Variants in ZFHX3 observed in about 807,000 individuals in gnomAD.
ZFHX3 encodes the protein zinc finger homeobox protein 3.
Under a neutral mutation model 279.1 loss-of-function variants are expected in ZFHX3, and 42 were observed. The observed-to-expected ratio is 0.15, with a 90% CI of 0.12 to 0.19. The LOEUF (loss-of-function observed/expected upper bound fraction) is 0.19. Ranked by LOEUF, ZFHX3 falls within the 10% of genes least tolerant of loss-of-function variation. The pLI is 1.00. For missense variants in ZFHX3, 4,981 were observed against 4,754.0 expected (o/e 1.05, Z -1.40); for synonymous variants, 2,293 against 1,957.8 (o/e 1.17, Z -4.52).
At chr16:73,615,348 G>A (rs1264349333) in intron 2 of ZFHX3, among the ~76,000 whole-genome samples, 1 of 152,104 alleles carries the variant, frequency 6.6e-6, no homozygotes, top group Non-Finnish European at 1.5e-5. Flanking sequence ...CCAGCTCTCA[G>A]GAGGTAAGAC....
intron 5 of ZFHX3, among the ~76,000 whole-genome samples, chr16:73,195,582 C>G (rs1430272207): frequency 6.6e-6 from 1 of 151,998 alleles, no homozygotes; most frequent in Non-Finnish European, 1.5e-5. Flanking sequence ...CCACACCCAG[C>G]TAGTTTTTGT....
chr16:73,800,495 G>A (rs946934138), intron 1 of ZFHX3, among the ~76,000 whole-genome samples: 1 of 152,072 alleles, frequency 6.6e-6, no homozygotes, highest in Non-Finnish European at 1.5e-5. Context: ...GCGATTACAG[G>A]CATGAGCCAC....
intron 3 of ZFHX3, among the ~76,000 whole-genome samples, chr16:73,341,647 A>G (rs2016036238): frequency 6.6e-6 from 1 of 152,224 alleles, no homozygotes; most frequent in African/African-American, 2.4e-5. Context: ...TATTCGTAAT[A>G]GACTAATGGT....
intron 2 of ZFHX3, among the ~76,000 whole-genome samples, chr16:73,604,405 T>C (rs148749872): frequency 1.2e-4 from 18 of 152,176 alleles, no homozygotes; most frequent in Non-Finnish European, 1.2e-4. Context: ...ACTGGAAACA[T>C]AGGTCAACTC....
intron 2 of ZFHX3, among the ~76,000 whole-genome samples, chr16:73,629,842 A>T (rs2052451663): frequency 6.6e-6 from 1 of 152,190 alleles, no homozygotes; most frequent in Non-Finnish European, 1.5e-5. Flanking sequence ...GCGACAAGAC[A>T]GGTTGCATAC....
intron 1 of ZFHX3, among the ~76,000 whole-genome samples, chr16:73,044,032 A>G (rs1965208811): frequency 6.6e-6 from 1 of 152,144 alleles, no homozygotes; most frequent in Admixed American, 6.5e-5. Context: ...TGGCCTGAGG[A>G]CACAGGACAC....
At position 72,862,135 on chromosome 16, in the gene ZFHX3, A is replaced by C. The variant is rs1176251483; in HGVS notation, c.3448+27596T>G. On this transcript the variant is annotated intron_variant, in intron 4 of 9. Coordinates refer to ENST00000268489, the MANE Select transcript of ZFHX3 (RefSeq NM_006885.4). The stretch of plus-strand genomic sequence containing the variant: ...ACACACTGTATACCATGCAACTTCA[A>C]GGGAAATCAATCATGTTAGGCCACT... Among the ~76,000 whole-genome samples, 6 of 152,360 alleles carry C rather than the reference A, an allele frequency of 3.9e-5. No homozygotes were observed. The East Asian group carries it at 1.2e-3, about 29-fold the overall frequency.
intron 5 of ZFHX3, among the ~76,000 whole-genome samples, chr16:73,163,753 CAA>C (rs1168975120): frequency 6.6e-6 from 1 of 151,782 alleles, no homozygotes; most frequent in African/African-American, 2.4e-5. Flanking sequence ...AGAACTTGGA[CAA>C]AGAGATGAGA....
rs531192018 is a variant in ZFHX3 at position 73,115,571 on chromosome 16, G to C, written c.-897+15397C>G. On this transcript the variant is annotated intron_variant, in intron 7 of 17. Transcript: ENST00000641206. ...TCTGAAGAGTCCAATGTCCATACTT[G>C]GCTTCCTTCAGCATCTCCCACCTTC... Among the ~76,000 whole-genome samples the C allele has an allele frequency of 7.2e-5, 11 of 151,982 alleles. No homozygotes were observed. The South Asian group carries it at 2.3e-3, about 32-fold the overall frequency.
intron 1 of ZFHX3, among the ~76,000 whole-genome samples, chr16:73,764,318 C>G (rs931807783): frequency 4.6e-5 from 7 of 152,144 alleles, no homozygotes; most frequent in African/African-American, 1.7e-4. Flanking sequence ...GATTCAATCT[C>G]TGGCTCCCTA....
Position 72,927,360 on chromosome 16 carries a change from C to T in ZFHX3, c.3216+23109G>A, listed in dbSNP as rs376013857. On this transcript the variant is annotated intron_variant, in intron 3 of 9. Coordinates refer to ENST00000268489, the MANE Select transcript of ZFHX3 (RefSeq NM_006885.4). ...TCGAGTCTTTCCTTAACAATCCTCC[C>T]GATTCATTCTCCCGCTGGGATGGCC... Among the ~76,000 whole-genome samples the T allele has an allele frequency of 6.6e-5, 10 of 152,252 alleles. No homozygotes were observed. The East Asian group carries it at 7.7e-4, about 12-fold the overall frequency.
chr16:73,478,370 A>G (rs1023840458), intron 2 of ZFHX3, among the ~76,000 whole-genome samples: 1 of 151,992 alleles, frequency 6.6e-6, no homozygotes, highest in African/African-American at 2.4e-5. Flanking sequence ...CTGATGCTCT[A>G]CCAACTGAGC....
intron 3 of ZFHX3, among the ~76,000 whole-genome samples, chr16:72,909,679 C>T (rs1328552221): frequency 6.6e-6 from 1 of 151,980 alleles, no homozygotes; most frequent in Non-Finnish European, 1.5e-5. Context: ...GAGTTCGAGA[C>T]CAGCCTGGGC....
intron 4 of ZFHX3, among the ~76,000 whole-genome samples, chr16:73,290,424 G>A (rs139204289): frequency 3.1e-4 from 47 of 152,326 alleles, no homozygotes; most frequent in African/African-American, 1.1e-3. Context: ...AGAGGGAAGA[G>A]CCTGTGCAAA....
intron 3 of ZFHX3, among the ~76,000 whole-genome samples, chr16:72,949,691 AG>A (rs1218804884): frequency 6.6e-6 from 1 of 151,690 alleles, no homozygotes; most frequent in Non-Finnish European, 1.5e-5. Context: ...GGAGAAGCCC[AG>A]GAAGAAGAAG....
At chr16:72,805,369 T>G (rs2036232377) in intron 7 of ZFHX3, among the ~76,000 whole-genome samples, 1 of 152,200 alleles carries the variant, frequency 6.6e-6, no homozygotes, top group Non-Finnish European at 1.5e-5. Context: ...ACTTTAGGAC[T>G]TCTTTCTGAA....
At chr16:73,087,616 A>G (rs960943778) in intron 8 of ZFHX3, among the ~76,000 whole-genome samples, 2 of 152,158 alleles carry the variant, frequency 1.3e-5, no homozygotes, top group African/African-American at 4.8e-5. Context: ...ATGGACAAGA[A>G]TCCCCTGGGA....
At chr16:73,670,150 T>C (rs1313417359) in intron 2 of ZFHX3, among the ~76,000 whole-genome samples, 2 of 152,188 alleles carry the variant, frequency 1.3e-5, no homozygotes, top group East Asian at 1.9e-4. Context: ...GCTAAATATG[T>C]TTTCCTGAGA....
chr16:73,648,023 G>C (rs1367453524), intron 2 of ZFHX3, among the ~76,000 whole-genome samples: 1 of 152,132 alleles, frequency 6.6e-6, no homozygotes, highest in East Asian at 1.9e-4. Context: ...AAAAAGTGTG[G>C]TCTTTCATGC....
Sources: gnomAD v4.1 joint callset for allele counts (sites outside exome capture counted in the v4.1 genomes callset) on GRCh38, gnomAD v4.1.1 for gene constraint, MANE v1.5 for transcripts, NCBI Gene and HGNC (gene_info 2026-07-23, HGNC 2026-07-21) for gene names.